DPP10: variants seen among roughly 807,000 people sequenced by gnomAD.
The protein encoded by DPP10 is dipeptidyl peptidase like 10, also known as inactive dipeptidyl peptidase 10.
In DPP10, 33 loss-of-function variants were observed where a neutral mutation model predicts 120.9. The observed-to-expected ratio is 0.27, with a 90% confidence interval of 0.21 to 0.37. The LOEUF is 0.37. DPP10 is among the 10% of genes least tolerant of loss of function. The pLI is 1.00. For missense variants in DPP10, 816 were observed against 942.8 expected (o/e 0.87, Z 1.76); for synonymous variants, 337 against 326.1 (o/e 1.03, Z -0.36).
At chr2:115,770,069 C>T (rs1681272034) in intron 13 of DPP10, among the ~76,000 whole-genome samples, 1 of 152,016 alleles carries the variant, frequency 6.6e-6, no homozygotes, top group South Asian at 2.1e-4. Context: ...AGAAGACAAT[C>T]TATCCTTGAC....
At chr2:114,672,608 A>G (rs983746882) in intron 1 of DPP10, among the ~76,000 whole-genome samples, 3 of 152,132 alleles carry the variant, frequency 2.0e-5, no homozygotes, top group African/African-American at 7.2e-5. Flanking sequence ...TTTCTGGAAG[A>G]CTCAATTTGT....
chr2:115,032,351 A>C (rs1703900015), intron 1 of DPP10, among the ~76,000 whole-genome samples: 1 of 152,216 alleles, frequency 6.6e-6, no homozygotes, highest in African/African-American at 2.4e-5. Flanking sequence ...CTATATAGTT[A>C]TGAGTTAATC....
At chr2:114,477,872 CATATATGTGTATATATGTACATATGTGT>C (rs1558794758) in intron 1 of DPP10, among the ~76,000 whole-genome samples, 1 of 107,640 alleles carries the variant, frequency 9.3e-6, no homozygotes, top group African/African-American at 2.8e-5. Context: ...TATATATGTA[CATATATGTGTATATATGTACATATGTGT>C]ATATATGTAC....
intron 5 of DPP10, among the ~76,000 whole-genome samples, chr2:115,655,108 T>G (rs1182499373): frequency 6.6e-6 from 1 of 151,808 alleles, no homozygotes; most frequent in Non-Finnish European, 1.5e-5. Context: ...ATATATGCAT[T>G]CAACTGGAGA....
In DPP10 at chr2:115,374,612, A is replaced by G. The variant is rs142505881; in HGVS notation, c.271+30700A>G. ...TGCACTGCCTTAGGAGAGGTTTTCC[A>G]TGAGGGCTCCGCACATGCAGCATAC... On this transcript the variant is annotated intron_variant, in intron 3 of 25. Coordinates refer to ENST00000410059, the MANE Select transcript of DPP10 (RefSeq NM_020868.6). 5.6e-3 allele frequency among the ~76,000 whole-genome samples: 850 copies of G among 152,292 alleles called. 8 individuals carry two copies. The highest frequency in any genetic ancestry group is 0.019 in the African/African-American group (778 of 41,568).
At chr2:114,576,001 T>C (rs1351598479) in intron 1 of DPP10, among the ~76,000 whole-genome samples, 1 of 152,196 alleles carries the variant, frequency 6.6e-6, no homozygotes, top group Admixed American at 6.5e-5. Context: ...GTGATTATGA[T>C]ATCAAAAGCA....
chr2:115,803,983 G>T (rs2149987139), intron 19 of DPP10, among the ~76,000 whole-genome samples: 1 of 152,220 alleles, frequency 6.6e-6, no homozygotes, highest in African/African-American at 2.4e-5. Flanking sequence ...GGCCTTCCTT[G>T]CTAGATTGGG....
Position 115,362,468 on chromosome 2 carries a change from T to G in DPP10, c.271+18556T>G, listed in dbSNP as rs150666262. Among the ~76,000 whole-genome samples the G allele has an allele frequency of 3.8e-3, 584 of 152,274 alleles. 6 individuals carry two copies. The highest frequency in any genetic ancestry group is 0.014 in the Middle Eastern group (4 of 294). On this transcript the variant is annotated intron_variant, in intron 3 of 25. Coordinates refer to ENST00000410059, the MANE Select transcript of DPP10 (RefSeq NM_020868.6). Reference sequence around the variant, plus strand: ...TCTATACTTTTTTTTAACTTATATGTATAATAGAAAAAATCCATAACAAAA... The same window carrying G: ...TCTATACTTTTTTTTAACTTATATGGATAATAGAAAAAATCCATAACAAAA...
intron 1 of DPP10, among the ~76,000 whole-genome samples, chr2:114,954,179 C>G (rs751089238): frequency 5.5e-5 from 8 of 146,228 alleles, no homozygotes; most frequent in Non-Finnish European, 1.5e-5. Context: ...CTCCCAGGTT[C>G]TTGCCATTCT....
chr2:114,788,089 C>T (rs1180122513), intron 1 of DPP10, among the ~76,000 whole-genome samples: 1 of 152,016 alleles, frequency 6.6e-6, no homozygotes, highest in African/African-American at 2.4e-5. Context: ...TATGTGTTTT[C>T]TATGTTCATA....
chr2:114,468,392 CA>C (rs1276769656), intron 1 of DPP10, among the ~76,000 whole-genome samples: 12 of 20,740 alleles, frequency 5.8e-4, no homozygotes, highest in Non-Finnish European at 1.1e-3. Context: ...GTCAGGCTTA[CA>C]ATGCAAAAAA....
chr2:115,317,881 A>G (rs2061872368), intron 2 of DPP10, among the ~76,000 whole-genome samples: 2 of 152,192 alleles, frequency 1.3e-5, no homozygotes, highest in South Asian at 2.1e-4. Flanking sequence ...TGTCAGAAAC[A>G]TATTTTCATA....
chr2:115,665,257 T>C (rs1442911250), intron 5 of DPP10, among the ~76,000 whole-genome samples: 1 of 152,184 alleles, frequency 6.6e-6, no homozygotes, highest in African/African-American at 2.4e-5. Context: ...TGTAAACCTT[T>C]TGACAAAGGC....
chr2:115,380,409 ATCT>A (rs1370047383), intron 3 of DPP10, among the ~76,000 whole-genome samples: 1 of 151,916 alleles, frequency 6.6e-6, no homozygotes, highest in Non-Finnish European at 1.5e-5. Flanking sequence ...TGCTTGGTAG[ATCT>A]TCTTCCATCC....
rs544756626 is a variant in DPP10 at position 115,652,402 on chromosome 2, G to C, written c.442-37285G>C. 5.3e-4 allele frequency among the ~76,000 whole-genome samples: 66 copies of C among 123,824 alleles called. 2 individuals are homozygous for C. The South Asian group carries it at 0.016, about 31-fold the overall frequency. The allele number at this position is 123,824 out of a possible 152,430, so 81.2% of individuals were successfully genotyped here. ...TTCTCCAGAGAAAGAAAACCAATAG[G>C]ATATATATGTGTGTGTGTGTGTGTG... On this transcript the variant is annotated intron_variant, in intron 5 of 25. Transcript: ENST00000410059.
At chr2:115,525,830 T>C in intron 4 of DPP10, 68 bp from the exon 5 acceptor site, 1 of 1,195,078 alleles carries the variant, frequency 8.4e-7, no homozygotes. Context: ...GATTTTTTTT[T>C]ACATTTATAC....
At chr2:114,694,828 A>G (rs1048388113) in intron 1 of DPP10, among the ~76,000 whole-genome samples, 1 of 152,014 alleles carries the variant, frequency 6.6e-6, no homozygotes, top group Non-Finnish European at 1.5e-5. Flanking sequence ...ACAGACTGGT[A>G]AAGTGAGCCA....
chr2:115,774,646 A>G (rs910305204), intron 13 of DPP10, among the ~76,000 whole-genome samples: 4 of 152,140 alleles, frequency 2.6e-5, no homozygotes, highest in African/African-American at 9.6e-5. Flanking sequence ...AAGTTGATAT[A>G]AAGAAGTCAC....
chr2:114,821,515 A>G (rs916298175), intron 1 of DPP10, among the ~76,000 whole-genome samples: 1 of 152,176 alleles, frequency 6.6e-6, no homozygotes, highest in African/African-American at 2.4e-5. Context: ...CTCCTACCAC[A>G]AAAACACAAC....
Sources: allele counts gnomAD v4.1 joint callset (sites outside exome capture counted in the v4.1 genomes callset), GRCh38; gene constraint gnomAD v4.1.1; transcripts MANE v1.5; gene names NCBI Gene and HGNC (gene_info 2026-07-23, HGNC 2026-07-21).